The following TLE6 variants were observed in gnomAD, a reference collection of about 807,000 sequenced individuals.
TLE6 encodes transducin-like enhancer protein 6.
Under a neutral mutation model 77.1 loss-of-function variants are expected in TLE6, and 72 were observed. The observed-to-expected ratio is 0.93, with a 90% confidence interval of 0.77 to 1.14. TLE6 has a LOEUF of 1.14. Among genes scored for constraint, TLE6 ranks in the 50% most tolerant of loss-of-function variants. The probability of loss-of-function intolerance (pLI) is 0.00; values close to 1 mark genes in which losing one functional copy is unlikely to be tolerated. For synonymous variants in TLE6, 366 were observed against 287.3 expected, an observed-to-expected ratio of 1.27 and a Z score of -2.77; for missense variants, 843 against 747.6, an observed-to-expected ratio of 1.13 and a Z score of -1.49.
At chr19:2,987,528 A>T in intron 8 of TLE6, 156 bp downstream of exon 8, 1 of 1,180,566 alleles carries the variant, frequency 8.5e-7, no homozygotes, top group Non-Finnish European at 1.2e-6. Flanking sequence ...CCAGGAGGCT[A>T]TACTGGAGTA....
intron 5 of TLE6, among the ~76,000 whole-genome samples, chr19:2,982,796 C>G (rs1441785008): frequency 6.6e-6 from 1 of 152,132 alleles, no homozygotes; most frequent in African/African-American, 2.4e-5. Flanking sequence ...CCTGCTCCTT[C>G]CGCTCCCTGG....
Position 2,989,770 on chromosome 19 carries a change from AT to A in TLE6, c.1230del (p.Gln411ArgfsTer42). ...SGVVRIWDLR[D>X]QSVVRDLKGY... ...GTGGTCAGGATCTGGGACCTGCGGG[AT>A]CAGAGTGTGGTCAGGTGCGTTTGGG... On this transcript the variant is annotated frameshift_variant, in exon 13 of 17. Transcript: ENST00000246112. LOFTEE classifies it high-confidence loss of function. 6.2e-7 allele frequency: 1 copy of A among 1,613,996 alleles called. No homozygotes were observed. Among genetic ancestry groups the A allele is most frequent in the Non-Finnish European group, 8.5e-7 (1 of 1,179,924 alleles).
chr19:2,980,069 G>A, intron 2 of TLE6, 31 bp from the exon 3 acceptor site: 2 of 1,540,246 alleles, frequency 1.3e-6, no homozygotes, highest in Non-Finnish European at 8.8e-7. Context: ...AGCATTGTAA[G>A]TTTTATGTAA....
Position 2,987,914 on chromosome 19 carries a change from G to A in TLE6, c.642G>A (p.Glu214=). 1.2e-6 allele frequency: 2 copies of A among 1,610,034 alleles called. No individual in the cohort carries two copies. The highest frequency in any genetic ancestry group is 1.7e-6 in the Non-Finnish European group (2 of 1,177,320). Residue 214 remains glutamate, a synonymous_variant, in exon 10 of 17, where the codon GAG becomes GAA. Transcript: ENST00000246112. Reference sequence around the variant, plus strand: ...CCCCACTAGCCCCCAGGCCACCTGAGGCCTCCTCCAGTCCCCCTGAGGGTT... The same window carrying A: ...CCCCACTAGCCCCCAGGCCACCTGAAGCCTCCTCCAGTCCCCCTGAGGGTT... The part of the protein sequence containing the change: ...PEDASTPRPP[E]ASSSPPEGSQ...
chr19:2,981,674 A>G, intron 4 of TLE6, 91 bp downstream of exon 4: 2 of 1,377,810 alleles, frequency 1.5e-6, no homozygotes, highest in Non-Finnish European at 2.0e-6. Context: ...TGAGTGCCCT[A>G]GAGAGGTTCT....
chr19:2,989,474 A>G, intron 12 of TLE6, 61 bp from the exon 13 acceptor site: 1 of 1,579,128 alleles, frequency 6.3e-7, no homozygotes. Flanking sequence ...CTCATGAGGC[A>G]AAGCAGTCCA....
rs148938913 is a variant in TLE6 at position 2,987,084 on chromosome 19, C to T, written c.387C>T (p.Ser129=). 110 of 1,614,018 alleles carry T rather than the reference C, an allele frequency of 6.8e-5. No homozygotes were observed. In the African/African-American group the frequency reaches 1.3e-3, roughly 19 times the overall value. ...SFEDIMATRS[S]DWLRRPLGED... ...AGGACATCATGGCCACCAGGTCCTCCGACTGGCTCCGGCGGCCTTTGGGGG... is the reference window on the plus strand; with the variant it reads ...AGGACATCATGGCCACCAGGTCCTCTGACTGGCTCCGGCGGCCTTTGGGGG... Residue 129 remains serine, a synonymous_variant, in exon 7 of 17, where the codon TCC becomes TCT. Coordinates refer to ENST00000246112, the MANE Select transcript of TLE6 (RefSeq NM_001143986.2).
chr19:2,979,600 A>G (rs1482760785), intron 2 of TLE6, among the ~76,000 whole-genome samples: 2 of 152,002 alleles, frequency 1.3e-5, no homozygotes, highest in African/African-American at 4.8e-5. Flanking sequence ...AATGTGGTGA[A>G]CATTTTAGAC....
intron 5 of TLE6, among the ~76,000 whole-genome samples, chr19:2,986,279 G>A (rs534593884): frequency 6.6e-6 from 1 of 151,638 alleles, no homozygotes; most frequent in South Asian, 2.1e-4. Flanking sequence ...AGCTGAGCGT[G>A]GTGGTGCATA....
intron 11 of TLE6, among the ~76,000 whole-genome samples, chr19:2,988,584 A>G (rs1216968911): frequency 6.6e-6 from 1 of 152,044 alleles, no homozygotes; most frequent in African/African-American, 2.4e-5. Context: ...AGTGACAGCA[A>G]GACTCCGTCT....
chr19:2,991,986 T>G lies in TLE6; in HGVS notation c.1386+2T>G. On this transcript the variant is annotated splice_donor_variant, in intron 14 of 16. Coordinates refer to ENST00000246112, the MANE Select transcript of TLE6 (RefSeq NM_001143986.2). LOFTEE classifies it high-confidence loss of function. ...CTGGAGTACCAATTCAAGTCTCAGGTGCGGAGGCCGGGATGGGGTCTGCTT... is the reference window on the plus strand; with the variant it reads ...CTGGAGTACCAATTCAAGTCTCAGGGGCGGAGGCCGGGATGGGGTCTGCTT... 1 of 1,613,166 alleles carries G rather than the reference T, an allele frequency of 6.2e-7. No individual in the cohort carries two copies. Among genetic ancestry groups the G allele is most frequent in the Non-Finnish European group, 8.5e-7 (1 of 1,179,724 alleles).
chr19:2,981,361 A>G (rs991468059), intron 3 of TLE6, among the ~76,000 whole-genome samples, 177 bp from the exon 4 acceptor site: 1 of 151,720 alleles, frequency 6.6e-6, no homozygotes, highest in Non-Finnish European at 1.5e-5. Flanking sequence ...AAAAAAAAAA[A>G]AAGAATATAC....
chr19:2,981,778 C>G (rs1241921113), intron 4 of TLE6, among the ~76,000 whole-genome samples, 195 bp downstream of exon 4: 1 of 152,014 alleles, frequency 6.6e-6, no homozygotes, highest in African/African-American at 2.4e-5. Context: ...GGAGACCAGC[C>G]TGGCCAACAT....
chr19:2,991,642 A>T (rs949913462), intron 13 of TLE6, among the ~76,000 whole-genome samples: 2 of 150,130 alleles, frequency 1.3e-5, no homozygotes, highest in African/African-American at 4.9e-5. Flanking sequence ...GCCCAGGCGG[A>T]CGGAGAAGGG....
chr19:2,986,419 A>T (rs1313598667), intron 5 of TLE6, among the ~76,000 whole-genome samples: 3 of 150,646 alleles, frequency 2.0e-5, no homozygotes, highest in Non-Finnish European at 4.4e-5. Flanking sequence ...TTATCTGCAA[A>T]AAAGTAGATG....
intron 4 of TLE6, among the ~76,000 whole-genome samples, 166 bp from the exon 5 acceptor site, chr19:2,981,982 T>C (rs985329593): frequency 6.6e-6 from 1 of 151,512 alleles, no homozygotes; most frequent in Non-Finnish European, 1.5e-5. Context: ...AAAAAAAAGG[T>C]AGGGACCATA....
intron 15 of TLE6, among the ~76,000 whole-genome samples, chr19:2,993,797 G>A (rs424628): frequency 2.7e-5 from 4 of 145,628 alleles, no homozygotes; most frequent in Admixed American, 6.8e-5. Flanking sequence ...GGCGCGGTCC[G>A]CCTCCGCCCT....
intron 15 of TLE6, 125 bp from the exon 16 acceptor site, chr19:2,993,894 C>G (rs2089145017): frequency 2.3e-6 from 2 of 869,548 alleles, no homozygotes; most frequent in Non-Finnish European, 3.6e-6. Context: ...GTAGTCCAGC[C>G]TGGGTGACAG....
At chr19:2,987,664 G>C in intron 8 of TLE6, 60 bp from the exon 9 acceptor site, 1 of 1,590,018 alleles carries the variant, frequency 6.3e-7, no homozygotes, top group Non-Finnish European at 8.6e-7. Context: ...CCAGGAATCC[G>C]AGGTCTTCTG....
Sources: allele counts gnomAD v4.1 joint callset (sites outside exome capture counted in the v4.1 genomes callset), GRCh38; gene constraint gnomAD v4.1.1; transcripts MANE v1.5; gene names NCBI Gene and HGNC (gene_info 2026-07-23, HGNC 2026-07-21).